Variants in RHPN2 observed in about 807,000 individuals in gnomAD.
The protein encoded by RHPN2 is rhophilin Rho GTPase binding protein 2.
RHPN2 carries 40 observed loss-of-function variants against 79.0 expected under a neutral mutation model. That is an observed-to-expected ratio of 0.51 (90% CI 0.39 to 0.66). The LOEUF is 0.66. Among genes scored for constraint, RHPN2 ranks in the 30% least tolerant of loss-of-function variants. The pLI is 0.00. For missense variants in RHPN2, 686 were observed against 883.5 expected, an observed-to-expected ratio of 0.78 and a Z score of 2.83; for synonymous variants, 285 against 363.5, an observed-to-expected ratio of 0.78 and a Z score of 2.46.
intron 1 of RHPN2, among the ~76,000 whole-genome samples, chr19:33,054,843 G>A (rs879530804): frequency 2.6e-5 from 4 of 152,224 alleles, no homozygotes; most frequent in Non-Finnish European, 4.4e-5. Context: ...AATGGCCCCA[G>A]GAAACAAGGG....
At chr19:33,022,308 CTGG>C (rs1971931298) in intron 3 of RHPN2, among the ~76,000 whole-genome samples, 1 of 152,148 alleles carries the variant, frequency 6.6e-6, no homozygotes, top group Non-Finnish European at 1.5e-5. Flanking sequence ...GGGTCTGTGC[CTGG>C]TGCACTTGCT....
chr19:33,001,315 C>T (rs59965700), intron 9 of RHPN2, among the ~76,000 whole-genome samples: 120,899 of 152,142 alleles, frequency 0.79, 48,830 homozygotes, highest in African/African-American at 0.94. Flanking sequence ...GGCAGGACAA[C>T]TGCTTGAGGC....
chr19:33,023,259 A>AC (rs1358749203), intron 3 of RHPN2, among the ~76,000 whole-genome samples: 1 of 151,522 alleles, frequency 6.6e-6, no homozygotes, highest in Non-Finnish European at 1.5e-5. Flanking sequence ...ACATGGTAAA[A>AC]CCCCGTCTCT....
rs780058656 is a variant in RHPN2, at chr19:32,996,087, C to T, written c.1359G>A (p.Thr453=). The T allele has an allele frequency of 7.4e-6, 12 of 1,614,012 alleles. No homozygotes were observed. Among genetic ancestry groups the T allele is most frequent in the Non-Finnish European group, 1.0e-5 (12 of 1,179,878 alleles). The change falls in exon 11 of 15, where the codon ACG becomes ACA. Residue 453 remains threonine, a synonymous_variant. Transcript: ENST00000254260. ...CATCCTCCTCCTGGTGCTGGGCGTA[C>T]GTGAGCCGGGAGCGTTCCTGTGCGG... ...LCAAQERSRL[T]YAQHQEEDDL...
At chr19:33,054,882 T>C (rs553257123) in intron 1 of RHPN2, among the ~76,000 whole-genome samples, 21 of 152,210 alleles carry the variant, frequency 1.4e-4, no homozygotes, top group Non-Finnish European at 2.6e-4. Context: ...TTCATCACGT[T>C]GTCTCTCCTC....
At chr19:32,982,664 G>C (rs567224308) in intron 14 of RHPN2, among the ~76,000 whole-genome samples, 68 of 152,116 alleles carry the variant, frequency 4.5e-4, no homozygotes, top group African/African-American at 1.6e-3. Context: ...AAAGTCCATT[G>C]TGTATCAAAA....
chr19:33,056,977 G>T (rs7343107), intron 1 of RHPN2, among the ~76,000 whole-genome samples: 3 of 150,472 alleles, frequency 2.0e-5, no homozygotes, highest in African/African-American at 7.3e-5. Flanking sequence ...AAAATTAGCC[G>T]GACATGGTGG....
chr19:33,059,996 G>A (rs933102866), intron 1 of RHPN2, among the ~76,000 whole-genome samples: 3 of 152,110 alleles, frequency 2.0e-5, no homozygotes, highest in African/African-American at 4.8e-5. Context: ...CAGCCAGGGC[G>A]CCTGCATGGC....
At chr19:33,031,584 C>T (rs916780957) in intron 2 of RHPN2, among the ~76,000 whole-genome samples, 4 of 151,606 alleles carry the variant, frequency 2.6e-5, no homozygotes, top group African/African-American at 4.9e-5. Flanking sequence ...TTGCTATATT[C>T]CCGAGGCTGG....
At chr19:33,036,036 G>A (rs1972052993) in intron 2 of RHPN2, among the ~76,000 whole-genome samples, 2 of 151,014 alleles carry the variant, frequency 1.3e-5, no homozygotes, top group South Asian at 4.2e-4. Flanking sequence ...AGAATGGCAT[G>A]AACCCGGGAG....
At chr19:33,032,742 G>A (rs532006517) in intron 2 of RHPN2, among the ~76,000 whole-genome samples, 5 of 152,268 alleles carry the variant, frequency 3.3e-5, no homozygotes, top group African/African-American at 1.2e-4. Context: ...TGGGGTGGGG[G>A]CGGAATCCTC....
intron 2 of RHPN2, chr19:33,027,320 TA>T (rs1971977106): frequency 8.0e-6 from 1 of 124,624 alleles, no homozygotes; most frequent in African/African-American, 3.1e-5. Context: ...CATAAATAAA[TA>T]AACATAAAAT....
At chr19:33,038,061 C>T (rs1234466678) in intron 2 of RHPN2, among the ~76,000 whole-genome samples, 2 of 151,874 alleles carry the variant, frequency 1.3e-5, no homozygotes, top group Non-Finnish European at 2.9e-5. Context: ...TAAAATTAGC[C>T]GAATGCCAGT....
At chr19:33,026,068 T>C (rs1249821600) in intron 3 of RHPN2, among the ~76,000 whole-genome samples, 5 of 148,496 alleles carry the variant, frequency 3.4e-5, no homozygotes, top group Non-Finnish European at 5.9e-5. Flanking sequence ...CTCGGCTCAC[T>C]GAAACGTCCA....
chr19:32,981,989 A>G (rs1971578962), intron 14 of RHPN2, among the ~76,000 whole-genome samples: 2 of 152,140 alleles, frequency 1.3e-5, no homozygotes, highest in African/African-American at 4.8e-5. Context: ...ACCGGCTTCT[A>G]AGGTTTGCCT....
chr19:32,980,267 A>T lies in RHPN2; in HGVS notation c.1801-11T>A, dbSNP rs764314607. ...GGCACTCTTATTATGCTGCACATAG[A>T]AAAGTAAGAAAAAGGGCGTCAGGCA... is the stretch of plus-strand genomic sequence containing the variant. On this transcript the variant is annotated splice_polypyrimidine_tract_variant and intron_variant, in intron 14 of 14. Coordinates refer to ENST00000254260, the MANE Select transcript of RHPN2 (RefSeq NM_033103.5). 6.2e-7 allele frequency: 1 copy of T among 1,613,810 alleles called. No individual in the cohort carries two copies. Among genetic ancestry groups the T allele is most frequent in the Non-Finnish European group, 8.5e-7 (1 of 1,179,854 alleles).
At chr19:33,029,382 T>A (rs6510331) in intron 2 of RHPN2, among the ~76,000 whole-genome samples, 1 of 151,384 alleles carries the variant, frequency 6.6e-6, no homozygotes, top group African/African-American at 2.4e-5. Context: ...AAAAATTAGC[T>A]GGGCATGGTG....
At chr19:32,994,106 A>T in intron 11 of RHPN2, 53 bp from the exon 12 acceptor site, 1 of 1,305,426 alleles carries the variant, frequency 7.7e-7, no homozygotes, top group South Asian at 1.2e-5. Context: ...ATTGAAAGTG[A>T]TCCTAATAGT....
chr19:33,056,155 C>T (rs1476157192), intron 1 of RHPN2, among the ~76,000 whole-genome samples: 1 of 148,036 alleles, frequency 6.8e-6, no homozygotes, highest in African/African-American at 2.5e-5. Context: ...GCTCGTTGCC[C>T]TGGCTGGAGT....
Sources: gnomAD v4.1 joint callset for allele counts (sites outside exome capture counted in the v4.1 genomes callset) on GRCh38, gnomAD v4.1.1 for gene constraint, MANE v1.5 for transcripts, NCBI Gene and HGNC (gene_info 2026-07-23, HGNC 2026-07-21) for gene names.